SFI1: variants seen among roughly 807,000 people sequenced by gnomAD.
SFI1 encodes the protein SFI1 centrin binding protein, also known as protein SFI1 homolog.
A neutral mutation model predicts 207.5 loss-of-function variants in SFI1; 195 were observed. The observed-to-expected ratio is 0.94, with a 90% CI of 0.84 to 1.06. SFI1 has a LOEUF of 1.06. Ranked by LOEUF, SFI1 falls within the 50% of genes least tolerant of loss-of-function variation. The pLI is 0.00. For missense variants in SFI1, 1,634 were observed against 1,588.0 expected (o/e 1.03, Z -0.49); for synonymous variants, 630 against 598.9 (o/e 1.05, Z -0.76).
chr22:31,593,252 A>G (rs1406694561), intron 15 of SFI1, among the ~76,000 whole-genome samples: 1 of 143,990 alleles, frequency 6.9e-6, no homozygotes, highest in African/African-American at 2.6e-5. Flanking sequence ...GGTGGTTGCC[A>G]GGCAGAGGGT....
intron 4 of SFI1, among the ~76,000 whole-genome samples, chr22:31,534,581 C>T (rs9606854): frequency 0.17 from 25,140 of 152,006 alleles, 2,663 homozygotes; most frequent in Non-Finnish European, 0.23. Flanking sequence ...GATATTTTCA[C>T]TGGGTATGAA....
At chr22:31,542,106 A>AAG (rs1375947404) in intron 4 of SFI1, among the ~76,000 whole-genome samples, 2 of 150,378 alleles carry the variant, frequency 1.3e-5, no homozygotes, top group Non-Finnish European at 3.0e-5. Flanking sequence ...GTCTTTAAAA[A>AAG]AAAAAAAAAA....
intron 14 of SFI1, among the ~76,000 whole-genome samples, chr22:31,586,530 C>T (rs933260551): frequency 2.6e-5 from 4 of 152,192 alleles, no homozygotes; most frequent in African/African-American, 7.2e-5. Flanking sequence ...CCTCTTTTTG[C>T]GTCACTCTTG....
chr22:31,601,194 G>T lies in SFI1; in HGVS notation c.1545-1018G>T, dbSNP rs1032027760. Among the ~76,000 whole-genome samples, 4 of 145,712 alleles carry T rather than the reference G, an allele frequency of 2.7e-5. No individual in the cohort carries two copies. The Admixed American group carries it at 2.8e-4, about 10-fold the overall frequency. ...GCTGGAGTGCAGTGGCACGATCTCGGCTCACTGCAAGCTCCGCCTCCCGGG... is the reference window on the plus strand; with the variant it reads ...GCTGGAGTGCAGTGGCACGATCTCGTCTCACTGCAAGCTCCGCCTCCCGGG... On this transcript the variant is annotated intron_variant, in intron 15 of 32. Coordinates refer to ENST00000400288, the MANE Select transcript of SFI1 (RefSeq NM_001007467.3).
intron 6 of SFI1, among the ~76,000 whole-genome samples, chr22:31,553,850 T>A (rs979932872): frequency 8.7e-6 from 1 of 114,478 alleles, no homozygotes; most frequent in African/African-American, 3.3e-5. Context: ...TTTTTTTTTT[T>A]TTTTTTTTTT....
intron 15 of SFI1, among the ~76,000 whole-genome samples, chr22:31,594,008 GGGA>G (rs2146657667): frequency 7.4e-6 from 1 of 135,192 alleles, no homozygotes; most frequent in Non-Finnish European, 1.7e-5. Flanking sequence ...GAGAGGGACA[GGGA>G]GAGGGAGAGG....
At chr22:31,596,470 A>T (rs1192123162) in intron 15 of SFI1, among the ~76,000 whole-genome samples, 1 of 151,980 alleles carries the variant, frequency 6.6e-6, no homozygotes, top group East Asian at 1.9e-4. Context: ...CTAGTCATGT[A>T]TTGTGGGCTG....
At position 31,563,592 on chromosome 22, in the gene SFI1, T is replaced by TTG. The variant is rs1366278762; in HGVS notation, c.765+2200_765+2201insTG. 4.1e-5 allele frequency among the ~76,000 whole-genome samples: 6 copies of TTG among 145,304 alleles called. No homozygotes were observed. In the Admixed American group the frequency reaches 4.2e-4, roughly 10 times the overall value. On this transcript the variant is annotated intron_variant, in intron 8 of 32. Transcript: ENST00000400288. ...TCCCCTTTTCTTGTTTGTTGTTGTT[T>TTG]GTTTTTTTGTTTTGAGACAGTCTCA...
chr22:31,551,319 C>T (rs1451797304), intron 6 of SFI1, among the ~76,000 whole-genome samples: 1 of 152,104 alleles, frequency 6.6e-6, no homozygotes, highest in East Asian at 1.9e-4. Flanking sequence ...ATGTGCACTT[C>T]TTTATCTTTC....
chr22:31,615,305 G>A lies in SFI1; in HGVS notation c.3300+26G>A, dbSNP rs769903778. The A allele has an allele frequency of 1.0e-5, 15 of 1,451,894 alleles. No homozygotes were observed. In the African/African-American group the frequency reaches 1.1e-4, roughly 11 times the overall value. 89.9% of individuals were successfully genotyped at this position (1,451,894 alleles called of 1,614,324 possible). ...GTACGTCCTCCACCACCAGGCCTGG[G>A]CACTGGGGCTCTCACTCTGGTCTGA... On this transcript the variant is annotated intron_variant, in intron 29 of 32. Coordinates refer to ENST00000400288, the MANE Select transcript of SFI1 (RefSeq NM_001007467.3).
intron 29 of SFI1, chr22:31,616,490 CGT>C: frequency 2.4e-6 from 1 of 421,512 alleles, no homozygotes; most frequent in East Asian, 3.8e-5. Context: ...GCAGTGGAGG[CGT>C]GAGGCGGACT....
chr22:31,614,153 T>A (rs2070922247), intron 27 of SFI1: 2 of 424,920 alleles, frequency 4.7e-6, no homozygotes, highest in East Asian at 7.3e-5. Context: ...CACGATCTTT[T>A]CCGGAGTCAT....
At chr22:31,576,105 A>G (rs1237915598) in intron 10 of SFI1, among the ~76,000 whole-genome samples, 4 of 151,632 alleles carry the variant, frequency 2.6e-5, no homozygotes, top group South Asian at 2.1e-4. Context: ...GCTCACTGCA[A>G]TCTCCGCCTC....
intron 17 of SFI1, among the ~76,000 whole-genome samples, chr22:31,603,370 T>A (rs2068441314): frequency 6.6e-6 from 1 of 152,020 alleles, no homozygotes; most frequent in Non-Finnish European, 1.5e-5. Context: ...CACCACGTAG[T>A]TAAGAGAGAG....
At chr22:31,516,606 G>T (rs1270209129) in intron 2 of SFI1, among the ~76,000 whole-genome samples, 2 of 151,948 alleles carry the variant, frequency 1.3e-5, no homozygotes, top group Non-Finnish European at 2.9e-5. Context: ...ATCATTTGAG[G>T]TCAGGAGTTC....
rs1647961607 is a variant in SFI1 at position 31,611,176 on chromosome 22, A to G, written c.2288A>G (p.Asp763Gly). 4 of 1,614,012 alleles carry G rather than the reference A, an allele frequency of 2.5e-6. No homozygotes were observed. Among genetic ancestry groups the G allele is most frequent in the Non-Finnish European group, 3.4e-6 (4 of 1,180,028 alleles). The change falls in exon 23 of 33, where the codon GAC becomes GGC. Residue 763 changes from aspartate to glycine, a missense_variant. Coordinates refer to ENST00000400288, the MANE Select transcript of SFI1 (RefSeq NM_001007467.3). ...CLRTWFQRWW[D>G]CSRRSAQQRL... ...CGGACCTGGTTTCAGCGCTGGTGGGACTGCAGCCGGAGGTCAGCCCAGCAG... is the reference window on the plus strand; with the variant it reads ...CGGACCTGGTTTCAGCGCTGGTGGGGCTGCAGCCGGAGGTCAGCCCAGCAG...
intron 24 of SFI1, chr22:31,612,398 A>AAAAAAAAAAAAAAATATATATATAT (rs1556369798): frequency 1.7e-5 from 1 of 60,192 alleles, no homozygotes; most frequent in African/African-American, 6.7e-5. Context: ...AAAAAAAAAA[A>AAAAAAAAAAAAAAATATATATATAT]ATATATATAT....
intron 6 of SFI1, among the ~76,000 whole-genome samples, chr22:31,556,072 A>G (rs563141626): frequency 6.6e-6 from 1 of 152,246 alleles, no homozygotes. Context: ...CCTGTGGGCC[A>G]TTGCATCTTC....
chr22:31,550,323 C>A lies in SFI1; in HGVS notation c.519C>A (p.Asn173Lys). The A allele has an allele frequency of 6.2e-7, 1 of 1,614,026 alleles. No homozygotes were observed. The highest frequency in any genetic ancestry group is 8.5e-7 in the Non-Finnish European group (1 of 1,179,976). Residue 173 changes from asparagine to lysine, a missense_variant, in exon 6 of 33, where the codon AAC (asparagine) becomes AAA (lysine). Coordinates refer to ENST00000400288, the MANE Select transcript of SFI1 (RefSeq NM_001007467.3). ...TYVRQQQEMR[N>K]KYIRAEVHDA... Reference sequence around the variant, plus strand: ...TGCGTCAGCAGCAGGAGATGAGGAACAAGTACATTAGAGCCGAGGTTCATG... The same window carrying A: ...TGCGTCAGCAGCAGGAGATGAGGAAAAAGTACATTAGAGCCGAGGTTCATG...
Sources: allele counts gnomAD v4.1 joint callset (sites outside exome capture counted in the v4.1 genomes callset), GRCh38; gene constraint gnomAD v4.1.1; transcripts MANE v1.5; gene names NCBI Gene and HGNC (gene_info 2026-07-23, HGNC 2026-07-21).